PLPP3: variants seen among roughly 807,000 people sequenced by gnomAD.
PLPP3 encodes phospholipid phosphatase 3, also known as PAP2 beta.
Under a neutral mutation model 29.6 loss-of-function variants are expected in PLPP3, and 6 were observed. That is an observed-to-expected ratio of 0.20 (90% CI 0.11 to 0.40). The LOEUF is 0.40. Ranked by LOEUF, PLPP3 falls within the 10% of genes least tolerant of loss-of-function variation. The pLI, the probability that PLPP3 is intolerant of heterozygous loss-of-function variation, is 1.00. For synonymous variants in PLPP3, 152 were observed against 159.7 expected (o/e 0.95, Z 0.36); for missense variants, 308 against 407.7 (o/e 0.76, Z 2.11).
intron 1 of PLPP3, among the ~76,000 whole-genome samples, chr1:56,573,016 A>C (rs1226478776): frequency 1.3e-5 from 2 of 152,212 alleles, no homozygotes; most frequent in African/African-American, 4.8e-5. Flanking sequence ...GGAAATCCAA[A>C]GCTTGTATTG....
rs184248960 is a variant in PLPP3, at chr1:56,524,946, C to T, written c.298-392G>A. ...GATGTCACAGGGTCTGAGCAAATCT[C>T]GAGATTCTGAGATTTGGGGTAAAGG... On this transcript the variant is annotated intron_variant, in intron 2 of 5. Coordinates refer to ENST00000371250, the MANE Select transcript of PLPP3 (RefSeq NM_003713.5). The surrounding 1 kb of genome is among the most constrained non-coding windows in gnomAD (Gnocchi z 4.3). 9.4e-4 allele frequency among the ~76,000 whole-genome samples: 143 copies of T among 151,986 alleles called. No homozygotes were observed. Among genetic ancestry groups the T allele is most frequent in the African/African-American group, 3.2e-3 (133 of 41,450 alleles).
In PLPP3 at chr1:56,524,215, C is replaced by T. The variant is rs1303880345; in HGVS notation, c.575+62G>A. On this transcript the variant is annotated intron_variant, in intron 3 of 5. Transcript: ENST00000371250. This position sits in a 1 kb window ranked among gnomAD's most constrained non-coding sequence, Gnocchi z 4.3. ...TAAACCAGGGCCCAGCTAGTAAGTG[C>T]TCACTGAACTGCACTGTATGAAAGG... 2 of 1,577,288 alleles carry T rather than the reference C, an allele frequency of 1.3e-6. No homozygotes were observed. Among genetic ancestry groups the T allele is most frequent in the Non-Finnish European group, 8.6e-7 (1 of 1,156,788 alleles).
chr1:56,508,724 A>G (rs1327833992), intron 5 of PLPP3, among the ~76,000 whole-genome samples: 1 of 152,134 alleles, frequency 6.6e-6, no homozygotes, highest in Non-Finnish European at 1.5e-5. Flanking sequence ...TACATTGCAC[A>G]ACCCTGATAA....
chr1:56,532,285 C>G (rs1357170348), intron 2 of PLPP3, among the ~76,000 whole-genome samples: 1 of 152,168 alleles, frequency 6.6e-6, no homozygotes. Flanking sequence ...TGGCCTCTCT[C>G]TGTTGGTGGT....
intron 5 of PLPP3, 39 bp from the exon 6 acceptor site, chr1:56,496,715 A>G (rs1203800100): frequency 6.2e-7 from 1 of 1,609,978 alleles, no homozygotes; most frequent in Non-Finnish European, 8.5e-7. Context: ...AGTAACTGAC[A>G]TCGGGGGTCT....
At chr1:56,562,549 T>C (rs1420142750) in intron 1 of PLPP3, among the ~76,000 whole-genome samples, 1 of 152,212 alleles carries the variant, frequency 6.6e-6, no homozygotes, top group Non-Finnish European at 1.5e-5. Context: ...AGCTTGCAGT[T>C]GCAAAATATT....
At chr1:56,522,155 T>G (rs1645823467) in intron 4 of PLPP3, among the ~76,000 whole-genome samples, 1 of 152,154 alleles carries the variant, frequency 6.6e-6, no homozygotes, top group Non-Finnish European at 1.5e-5. Context: ...CTTCTTAGAT[T>G]CAAATTGGAT....
intron 5 of PLPP3, among the ~76,000 whole-genome samples, chr1:56,500,421 C>G (rs1158516746): frequency 6.6e-6 from 1 of 152,120 alleles, no homozygotes; most frequent in Non-Finnish European, 1.5e-5. Context: ...TCTATTTGAT[C>G]TTAGCTTTGA....
chr1:56,556,168 G>A (rs1462771239), intron 1 of PLPP3, among the ~76,000 whole-genome samples: 2 of 152,156 alleles, frequency 1.3e-5, no homozygotes, highest in African/African-American at 4.8e-5. Context: ...TGTTGAAGTG[G>A]TCACCCCCAG....
At chr1:56,540,651 G>A (rs919227523) in intron 1 of PLPP3, among the ~76,000 whole-genome samples, 1 of 151,944 alleles carries the variant, frequency 6.6e-6, no homozygotes, top group Non-Finnish European at 1.5e-5. Flanking sequence ...AAGGCATGCA[G>A]ATGGCATTTA....
chr1:56,513,313 C>G (rs960172603), intron 4 of PLPP3: 3 of 152,642 alleles, frequency 2.0e-5, no homozygotes, highest in Non-Finnish European at 4.4e-5. Flanking sequence ...CAACCTATTC[C>G]CAGGTTCCTG....
chr1:56,511,326 A>C (rs1228869789), intron 5 of PLPP3, among the ~76,000 whole-genome samples: 2 of 152,126 alleles, frequency 1.3e-5, no homozygotes, highest in African/African-American at 4.8e-5. Context: ...TTTGGGGCAA[A>C]TCAGTATGTG....
chr1:56,557,052 G>A (rs11809507), intron 1 of PLPP3, among the ~76,000 whole-genome samples: 1,046 of 8,220 alleles, frequency 0.13, 359 homozygotes, highest in Admixed American at 0.26. Flanking sequence ...GAGAGAGAGA[G>A]AGAGAGAAAG....
rs1645843401 is a variant in PLPP3, at chr1:56,524,877, G to A, written c.298-323C>T. The stretch of plus-strand genomic sequence containing the variant: ...GAGACAAGAACTTAACTATAGAAAA[G>A]AAATACTAAATGAAGAATCAACGAC... On this transcript the variant is annotated intron_variant, in intron 2 of 5. Transcript: ENST00000371250. This position sits in a 1 kb window ranked among gnomAD's most constrained non-coding sequence, Gnocchi z 4.3. 6.6e-6 allele frequency among the ~76,000 whole-genome samples: 1 copy of A among 151,346 alleles called. No homozygotes were observed. The highest frequency in any genetic ancestry group is 1.9e-4 in the East Asian group (1 of 5,140).
chr1:56,529,024 C>T (rs1475100560), intron 2 of PLPP3, among the ~76,000 whole-genome samples: 2 of 151,848 alleles, frequency 1.3e-5, no homozygotes, highest in East Asian at 3.9e-4. Context: ...TCTTCCACCG[C>T]TGAGTCTGAA....
At chr1:56,499,071 C>A (rs1015368657) in intron 5 of PLPP3, among the ~76,000 whole-genome samples, 3 of 60,360 alleles carry the variant, frequency 5.0e-5, no homozygotes, top group African/African-American at 2.6e-4. Context: ...ACAGCTCCCC[C>A]GTCCCCCCCC....
intron 2 of PLPP3, among the ~76,000 whole-genome samples, chr1:56,527,678 C>T (rs1487070870): frequency 1.3e-5 from 2 of 152,134 alleles, no homozygotes; most frequent in African/African-American, 4.8e-5. Flanking sequence ...TGTATTTTCT[C>T]TATCCCCTTG....
chr1:56,505,923 T>C (rs777861622), intron 5 of PLPP3, among the ~76,000 whole-genome samples: 1 of 152,330 alleles, frequency 6.6e-6, no homozygotes, highest in South Asian at 2.1e-4. Context: ...AGTGTCGTTA[T>C]CTATTGGCGG....
At chr1:56,500,470 T>A (rs1490680676) in intron 5 of PLPP3, among the ~76,000 whole-genome samples, 2 of 152,104 alleles carry the variant, frequency 1.3e-5, no homozygotes, top group African/African-American at 2.4e-5. Flanking sequence ...AATGCTAGGA[T>A]GTTATAGGCA....
Sources: allele counts gnomAD v4.1 joint callset (sites outside exome capture counted in the v4.1 genomes callset), GRCh38; gene constraint gnomAD v4.1.1; non-coding constraint Gnocchi (gnomAD v3.1); transcripts MANE v1.5; gene names NCBI Gene and HGNC (gene_info 2026-07-23, HGNC 2026-07-21).